TMTC2: variants seen among roughly 807,000 people sequenced by gnomAD.
TMTC2 encodes protein O-mannosyl-transferase TMTC2.
In TMTC2, 43 loss-of-function variants were observed where a neutral mutation model predicts 82.4. The ratio of observed to expected loss-of-function variants is 0.52; its 90% CI spans 0.41 to 0.67. The LOEUF (loss-of-function observed/expected upper bound fraction) is 0.67, where lower values mean the gene tolerates loss of function less well. Among genes scored for constraint, TMTC2 ranks in the 30% least tolerant of loss-of-function variants. TMTC2 has a pLI of 0.00. For synonymous variants in TMTC2, 408 were observed against 381.9 expected (o/e 1.07, Z -0.80); for missense variants, 919 against 1,012.4 (o/e 0.91, Z 1.25).
At chr12:82,779,036 CAA>C (rs1196960733) in intron 1 of TMTC2, among the ~76,000 whole-genome samples, 15,444 of 74,712 alleles carry the variant, frequency 0.21, 804 homozygotes, top group Middle Eastern at 0.3. Context: ...GACTCCATAT[CAA>C]AAAAAAAAAA....
intron 11 of TMTC2, among the ~76,000 whole-genome samples, chr12:83,122,934 G>T (rs1885000358): frequency 6.6e-6 from 1 of 152,202 alleles, no homozygotes; most frequent in South Asian, 2.1e-4. Flanking sequence ...ACCCAGCTTT[G>T]AAAATAGGAT....
intron 1 of TMTC2, among the ~76,000 whole-genome samples, chr12:82,765,961 A>G (rs571295014): frequency 1.4e-4 from 21 of 152,318 alleles, no homozygotes; most frequent in Non-Finnish European, 2.8e-4. Context: ...ATTTCTGACC[A>G]TACCCGGCTT....
At chr12:82,700,543 A>G (rs1470001464) in intron 1 of TMTC2, among the ~76,000 whole-genome samples, 3 of 152,202 alleles carry the variant, frequency 2.0e-5, no homozygotes, top group Admixed American at 2.0e-4. Flanking sequence ...TTGAAATTTT[A>G]TCCTGAATTT....
intron 11 of TMTC2, among the ~76,000 whole-genome samples, chr12:83,123,604 A>AT (rs1172492165): frequency 6.6e-6 from 1 of 151,944 alleles, no homozygotes; most frequent in Non-Finnish European, 1.5e-5. Context: ...GTAAGGACTT[A>AT]TTTTTTTCAT....
intron 1 of TMTC2, among the ~76,000 whole-genome samples, chr12:82,849,295 A>C (rs543223319): frequency 8.5e-5 from 13 of 152,260 alleles, no homozygotes; most frequent in Admixed American, 8.5e-4. Context: ...ATTCCTTTCC[A>C]GAGGTGACCT....
chr12:82,780,683 G>A (rs763944946), intron 1 of TMTC2, among the ~76,000 whole-genome samples: 1 of 152,024 alleles, frequency 6.6e-6, no homozygotes, highest in Non-Finnish European at 1.5e-5. Context: ...TGAGAAATTT[G>A]AACTAACACT....
chr12:82,966,899 T>A lies in TMTC2; in HGVS notation c.1870-20T>A. 6.4e-7 allele frequency: 1 copy of A among 1,567,024 alleles called. No individual in the cohort carries two copies. Among genetic ancestry groups the A allele is most frequent in the Non-Finnish European group, 8.7e-7 (1 of 1,145,882 alleles). On this transcript the variant is annotated intron_variant, in intron 6 of 11. Coordinates refer to ENST00000321196, the MANE Select transcript of TMTC2 (RefSeq NM_152588.3). ...GCACTTTATTGATGATTTATCTATT[T>A]TTTTTGTTTTATAAATTAGGAAGCC...
chr12:82,795,311 CAAA>C (rs35485888), intron 1 of TMTC2, among the ~76,000 whole-genome samples: 8 of 94,862 alleles, frequency 8.4e-5, no homozygotes, highest in Admixed American at 1.1e-4. Flanking sequence ...GATTCCATCT[CAAA>C]AAAAAAAAAA....
At chr12:82,703,708 C>T (rs1038963169) in intron 1 of TMTC2, among the ~76,000 whole-genome samples, 1 of 152,008 alleles carries the variant, frequency 6.6e-6, no homozygotes, top group Non-Finnish European at 1.5e-5. Context: ...ACCATGGTCT[C>T]GATCTCCTGA....
intron 11 of TMTC2, among the ~76,000 whole-genome samples, chr12:83,120,727 G>A (rs1199899533): frequency 3.3e-5 from 5 of 152,094 alleles, no homozygotes; most frequent in African/African-American, 7.2e-5. Flanking sequence ...AGTTTTCCTC[G>A]ATTATTCCCC....
chr12:82,850,509 A>C (rs1421344478), intron 1 of TMTC2, among the ~76,000 whole-genome samples: 1 of 152,020 alleles, frequency 6.6e-6, no homozygotes, highest in Non-Finnish European at 1.5e-5. Context: ...ACCACCAAAG[A>C]GGTGGAAATT....
intron 9 of TMTC2, among the ~76,000 whole-genome samples, chr12:83,045,979 G>A (rs185689272): frequency 7.8e-4 from 118 of 152,136 alleles, no homozygotes; most frequent in Non-Finnish European, 1.3e-3. Context: ...CAAGTCAAAA[G>A]GTCAAGCCTC....
chr12:83,033,420 C>T (rs1361349632), intron 9 of TMTC2, among the ~76,000 whole-genome samples: 11 of 152,138 alleles, frequency 7.2e-5, no homozygotes, highest in Non-Finnish European at 1.5e-4. Context: ...CAGGTAAGTT[C>T]TGGATTCCTT....
At position 83,061,284 on chromosome 12, in the gene TMTC2, A is replaced by G. The variant is rs569390143; in HGVS notation, c.2268-484A>G. 3.3e-5 allele frequency among the ~76,000 whole-genome samples: 5 copies of G among 151,932 alleles called. No individual in the cohort carries two copies. The South Asian group carries it at 6.2e-4, about 19-fold the overall frequency. On this transcript the variant is annotated intron_variant, in intron 10 of 11. Coordinates refer to ENST00000321196, the MANE Select transcript of TMTC2 (RefSeq NM_152588.3). ...TTTTTATTTTTTCTGTTAACTACAC[A>G]GGAAAACATGGAAAGTTCCCTCCAT...
intron 11 of TMTC2, among the ~76,000 whole-genome samples, chr12:83,121,595 T>G (rs541714696): frequency 6.6e-6 from 1 of 152,006 alleles, no homozygotes; most frequent in South Asian, 2.1e-4. Flanking sequence ...GTTCTTAGCT[T>G]TGGTGGTTTA....
intron 1 of TMTC2, among the ~76,000 whole-genome samples, chr12:82,741,880 G>C (rs1264854804): frequency 1.3e-5 from 2 of 152,178 alleles, no homozygotes; most frequent in African/African-American, 4.8e-5. Flanking sequence ...ATTTGTTCCT[G>C]TGGCTGGTAT....
chr12:82,739,555 A>C (rs573054960), intron 1 of TMTC2, among the ~76,000 whole-genome samples: 1 of 152,084 alleles, frequency 6.6e-6, no homozygotes, highest in South Asian at 2.1e-4. Flanking sequence ...CATTTCTAAC[A>C]CTGGACTATA....
intron 8 of TMTC2, among the ~76,000 whole-genome samples, chr12:83,002,874 T>C (rs1366227161): frequency 6.6e-6 from 1 of 152,084 alleles, no homozygotes; most frequent in Non-Finnish European, 1.5e-5. Flanking sequence ...AGATTATATA[T>C]TCTGTGGTTG....
intron 1 of TMTC2, among the ~76,000 whole-genome samples, chr12:82,787,589 T>C (rs1029659880): frequency 3.9e-5 from 6 of 152,116 alleles, no homozygotes; most frequent in Non-Finnish European, 8.8e-5. Flanking sequence ...GTAATACTCT[T>C]AGCGGATTAA....
Sources: gnomAD v4.1 joint callset for allele counts (sites outside exome capture counted in the v4.1 genomes callset) on GRCh38, gnomAD v4.1.1 for gene constraint, MANE v1.5 for transcripts, NCBI Gene and HGNC (gene_info 2026-07-23, HGNC 2026-07-21) for gene names.